Variants in USP34 observed in about 807,000 individuals in gnomAD.
The protein encoded by USP34 is ubiquitin carboxyl-terminal hydrolase 34.
A neutral mutation model predicts 460.3 loss-of-function variants in USP34; 70 were observed. The ratio of observed to expected loss-of-function variants is 0.15; its 90% CI spans 0.13 to 0.19. USP34 has a LOEUF of 0.19. USP34 is among the 10% of genes least tolerant of loss of function. The pLI is 1.00. For missense variants in USP34, 3,985 were observed against 4,236.2 expected, an observed-to-expected ratio of 0.94 and a Z score of 1.65; for synonymous variants, 1,647 against 1,405.3, an observed-to-expected ratio of 1.17 and a Z score of -3.85.
Position 61,223,597 on chromosome 2 carries a change from C to G in USP34, c.7596-301G>C, listed in dbSNP as rs1054057664. On this transcript the variant is annotated intron_variant, in intron 62 of 79. Transcript: ENST00000398571. ...ACTTTTTTTTTTTTTTGACATGAGACCCTTCAAAACCAAATGGACTTCTAG... is the reference window on the plus strand; with the variant it reads ...ACTTTTTTTTTTTTTTGACATGAGAGCCTTCAAAACCAAATGGACTTCTAG... 1.6e-5 allele frequency: 4 copies of G among 247,318 alleles called. No homozygotes were observed. In the Admixed American group the frequency reaches 2.1e-4, roughly 13 times the overall value. 15.3% of individuals were successfully genotyped at this position (247,318 alleles called of 1,614,324 possible).
At chr2:61,443,218 T>C (rs1695015939) in intron 1 of USP34, among the ~76,000 whole-genome samples, 1 of 152,182 alleles carries the variant, frequency 6.6e-6, no homozygotes, top group Admixed American at 6.6e-5. Context: ...TCCAGTGTTC[T>C]ACATAACTGT....
At chr2:61,235,211 T>C (rs1022715639) in intron 57 of USP34, among the ~76,000 whole-genome samples, 1 of 152,188 alleles carries the variant, frequency 6.6e-6, no homozygotes, top group South Asian at 2.1e-4. Flanking sequence ...CTTGAATATA[T>C]AAAATTTTTG....
intron 21 of USP34, among the ~76,000 whole-genome samples, chr2:61,323,271 G>A (rs1690982126): frequency 6.6e-6 from 1 of 152,162 alleles, no homozygotes; most frequent in African/African-American, 2.4e-5. Context: ...CACCACTTTG[G>A]GAGGCCGAGG....
At chr2:61,360,588 G>A (rs2103811335) in intron 10 of USP34, among the ~76,000 whole-genome samples, 1 of 152,268 alleles carries the variant, frequency 6.6e-6, no homozygotes, top group South Asian at 2.1e-4. Flanking sequence ...TGCACTGAAG[G>A]AAAAATATCA....
At chr2:61,361,186 G>A (rs1401499834) in intron 10 of USP34, among the ~76,000 whole-genome samples, 3 of 152,218 alleles carry the variant, frequency 2.0e-5, no homozygotes, top group African/African-American at 4.8e-5. Flanking sequence ...TGAGGAAGGA[G>A]GACTGCTTGA....
chr2:61,350,147 C>T, intron 12 of USP34, 113 bp downstream of exon 12: 6 of 1,186,968 alleles, frequency 5.1e-6, no homozygotes, highest in Non-Finnish European at 7.0e-6. Flanking sequence ...CTCTTCTACC[C>T]ATCCCACACT....
chr2:61,244,793 T>C (rs989132557), intron 51 of USP34, among the ~76,000 whole-genome samples: 1 of 152,122 alleles, frequency 6.6e-6, no homozygotes, highest in Non-Finnish European at 1.5e-5. Flanking sequence ...TTAATTTCTT[T>C]TTTTCTTATT....
chr2:61,244,218 A>C (rs1039766733), intron 51 of USP34, among the ~76,000 whole-genome samples: 1 of 152,230 alleles, frequency 6.6e-6, no homozygotes, highest in African/African-American at 2.4e-5. Context: ...GTCTTGTGAG[A>C]ATCAAGAGAA....
chr2:61,188,890 T>C lies in USP34; in HGVS notation c.10033+20A>G. 2 of 1,613,680 alleles carry C rather than the reference T, an allele frequency of 1.2e-6. No individual in the cohort carries two copies. The highest frequency in any genetic ancestry group is 1.7e-6 in the Non-Finnish European group (2 of 1,179,788). On this transcript the variant is annotated intron_variant, in intron 79 of 79. Coordinates refer to ENST00000398571, the MANE Select transcript of USP34 (RefSeq NM_014709.4). ...CCTCCTCCCACCCTAAAGGTAATGATAGTAGTCCATAAAGCTAACCTTTAG... is the reference window on the plus strand; with the variant it reads ...CCTCCTCCCACCCTAAAGGTAATGACAGTAGTCCATAAAGCTAACCTTTAG...
chr2:61,387,009 A>G (rs1186061808), intron 5 of USP34, among the ~76,000 whole-genome samples: 1 of 152,186 alleles, frequency 6.6e-6, no homozygotes, highest in Non-Finnish European at 1.5e-5. Flanking sequence ...CTACCTAAAA[A>G]GACGTCTATC....
At chr2:61,297,174 T>C (rs1690055347) in intron 29 of USP34, among the ~76,000 whole-genome samples, 2 of 152,222 alleles carry the variant, frequency 1.3e-5, no homozygotes, top group Non-Finnish European at 2.9e-5. Flanking sequence ...ATGTTCCTCA[T>C]GAAACTTTTC....
chr2:61,272,993 C>G (rs1311419786), intron 41 of USP34, among the ~76,000 whole-genome samples: 1 of 152,138 alleles, frequency 6.6e-6, no homozygotes. Context: ...CTAAAGATAA[C>G]TGAAAACAGT....
intron 21 of USP34, among the ~76,000 whole-genome samples, chr2:61,323,860 A>T (rs1691004401): frequency 6.6e-6 from 1 of 152,224 alleles, no homozygotes; most frequent in South Asian, 2.1e-4. Flanking sequence ...TCAATAAATG[A>T]CGTAATAACA....
At chr2:61,240,434 A>G (rs1306288456) in intron 53 of USP34, among the ~76,000 whole-genome samples, 1 of 152,086 alleles carries the variant, frequency 6.6e-6, no homozygotes, top group Non-Finnish European at 1.5e-5. Flanking sequence ...GCCCGCCAAC[A>G]TGCCCAGCTA....
At chr2:61,467,617 G>GTTTTTTTTTT (rs3980937) in intron 1 of USP34, among the ~76,000 whole-genome samples, 5 of 106,038 alleles carry the variant, frequency 4.7e-5, no homozygotes, top group Non-Finnish European at 7.1e-5. Context: ...CTGTAACTTT[G>GTTTTTTTTTT]TTTTTTTTTT....
intron 27 of USP34, among the ~76,000 whole-genome samples, chr2:61,302,245 C>CAG (rs1284726386): frequency 6.6e-6 from 1 of 152,150 alleles, no homozygotes. Flanking sequence ...CTCCACTGAA[C>CAG]AGACACTAAA....
chr2:61,225,700 C>T (rs762534415), intron 62 of USP34, among the ~76,000 whole-genome samples: 1 of 152,078 alleles, frequency 6.6e-6, no homozygotes, highest in South Asian at 2.1e-4. Flanking sequence ...GGCAAATACA[C>T]GATTAAGTTT....
At chr2:61,397,317 C>T (rs1482629519) in intron 3 of USP34, among the ~76,000 whole-genome samples, 6 of 151,840 alleles carry the variant, frequency 4.0e-5, no homozygotes, top group South Asian at 2.1e-4. Context: ...ATGGTAGGCA[C>T]CTGTAATCCC....
chr2:61,396,150 A>G (rs1693517630), intron 3 of USP34, among the ~76,000 whole-genome samples: 1 of 152,176 alleles, frequency 6.6e-6, no homozygotes, highest in Non-Finnish European at 1.5e-5. Flanking sequence ...TTTCTCAACA[A>G]ACTTTTTCAT....
Sources: gnomAD v4.1 joint callset for allele counts (sites outside exome capture counted in the v4.1 genomes callset) on GRCh38, gnomAD v4.1.1 for gene constraint, MANE v1.5 for transcripts, NCBI Gene and HGNC (gene_info 2026-07-23, HGNC 2026-07-21) for gene names.